FZD3: variants seen among roughly 807,000 people sequenced by gnomAD.
FZD3 encodes the protein frizzled-3.
A neutral mutation model predicts 60.7 loss-of-function variants in FZD3; 30 were observed. That is an observed-to-expected ratio of 0.49 (90% confidence interval 0.37 to 0.67). FZD3 has a LOEUF of 0.67. FZD3 is among the 30% of genes least tolerant of loss of function. The pLI is 0.00. For synonymous variants in FZD3, 246 were observed against 275.2 expected (o/e 0.89, Z 1.05); for missense variants, 605 against 838.7 (o/e 0.72, Z 3.44).
At chr8:28,521,082 T>C (rs1438598373) in intron 4 of FZD3, among the ~76,000 whole-genome samples, 3 of 152,096 alleles carry the variant, frequency 2.0e-5, no homozygotes, top group African/African-American at 7.2e-5. Context: ...AGACAGTTGA[T>C]TTTTCCCCCT....
chr8:28,507,682 C>T (rs1804175958), intron 3 of FZD3, among the ~76,000 whole-genome samples: 1 of 151,970 alleles, frequency 6.6e-6, no homozygotes, highest in African/African-American at 2.4e-5. Flanking sequence ...GCATGTTCCC[C>T]CGTTATTAGT....
chr8:28,534,089 A>G (rs911020162), intron 5 of FZD3, among the ~76,000 whole-genome samples: 4 of 152,242 alleles, frequency 2.6e-5, no homozygotes, highest in African/African-American at 9.6e-5. Flanking sequence ...AAAGCATTTA[A>G]AGCAGAAAGA....
chr8:28,507,355 A>G (rs978739006), intron 3 of FZD3, among the ~76,000 whole-genome samples: 2 of 151,782 alleles, frequency 1.3e-5, no homozygotes, highest in African/African-American at 4.8e-5. Flanking sequence ...TGTCTCATTT[A>G]TTTTTGTAAA....
intron 5 of FZD3, among the ~76,000 whole-genome samples, chr8:28,542,540 A>T (rs1463285345): frequency 6.6e-6 from 1 of 152,174 alleles, no homozygotes; most frequent in Non-Finnish European, 1.5e-5. Flanking sequence ...CGGGAGGCTG[A>T]TGTAGGAGAA....
At chr8:28,549,497 AATTAT>A (rs1227080448) in intron 5 of FZD3, among the ~76,000 whole-genome samples, 3 of 152,100 alleles carry the variant, frequency 2.0e-5, no homozygotes, top group Non-Finnish European at 2.9e-5. Context: ...CCAGGTATAA[AATTAT>A]ATTATTTATA....
intron 5 of FZD3, among the ~76,000 whole-genome samples, chr8:28,550,325 T>C (rs1289621777): frequency 6.6e-6 from 1 of 151,872 alleles, no homozygotes; most frequent in East Asian, 1.9e-4. Context: ...AATTTTTCTC[T>C]ATTTGCATTC....
At chr8:28,557,076 G>A (rs1805522349) in intron 7 of FZD3, among the ~76,000 whole-genome samples, 1 of 152,110 alleles carries the variant, frequency 6.6e-6, no homozygotes, top group Non-Finnish European at 1.5e-5. Flanking sequence ...GGGTGTTGTG[G>A]CAGGCACCTG....
chr8:28,547,752 A>G (rs745507057), intron 5 of FZD3, among the ~76,000 whole-genome samples: 6 of 152,096 alleles, frequency 3.9e-5, no homozygotes, highest in Admixed American at 3.9e-4. Flanking sequence ...TATCTGCCAT[A>G]TAATTTGCAA....
rs1055607162 is a variant in FZD3 at position 28,555,670 on chromosome 8, G to C, written c.1554-68G>C. On this transcript the variant is annotated intron_variant, in intron 6 of 7. Coordinates refer to ENST00000240093, the MANE Select transcript of FZD3 (RefSeq NM_017412.4). The stretch of plus-strand genomic sequence containing the variant: ...TTTCAAGAATAATATCAGTGTTTCA[G>C]AGAAGTATTGCTTATTGGTCTGAAG... 1.7e-5 allele frequency: 15 copies of C among 859,176 alleles called. No homozygotes were observed. In the African/African-American group the frequency reaches 2.0e-4, roughly 11 times the overall value. The allele number at this position is 859,176 out of a possible 1,614,324, so 53.2% of individuals were successfully genotyped here.
intron 3 of FZD3, among the ~76,000 whole-genome samples, chr8:28,506,676 T>G (rs1481882523): frequency 6.6e-6 from 1 of 152,206 alleles, no homozygotes; most frequent in African/African-American, 2.4e-5. Flanking sequence ...TTAAAGATTT[T>G]TTTATGATTT....
At chr8:28,495,893 A>G (rs1404362891) in intron 1 of FZD3, among the ~76,000 whole-genome samples, 1 of 152,026 alleles carries the variant, frequency 6.6e-6, no homozygotes, top group Non-Finnish European at 1.5e-5. Context: ...TAAGTAAATT[A>G]CTGGTAAAGC....
At chr8:28,535,584 A>G (rs993980886) in intron 5 of FZD3, among the ~76,000 whole-genome samples, 1 of 152,192 alleles carries the variant, frequency 6.6e-6, no homozygotes, top group Non-Finnish European at 1.5e-5. Flanking sequence ...TTAAAATACT[A>G]TACCAACCAT....
chr8:28,547,807 A>G (rs1431973534), intron 5 of FZD3, among the ~76,000 whole-genome samples: 4 of 151,190 alleles, frequency 2.6e-5, no homozygotes, highest in Admixed American at 2.6e-4. Context: ...TGTTGTTATG[A>G]AAGTTATGGC....
chr8:28,541,376 A>G (rs572722280), intron 5 of FZD3, among the ~76,000 whole-genome samples: 31 of 152,248 alleles, frequency 2.0e-4, no homozygotes, highest in Non-Finnish European at 4.1e-4. Flanking sequence ...TCTGTGTTAC[A>G]TCCCTGCTGT....
In FZD3 at chr8:28,570,090, C is replaced by A. The variant is rs932739065; in HGVS notation, c.*7079C>A. The A allele has an allele frequency of 3.3e-5, 5 of 152,166 alleles. No homozygotes were observed. The highest frequency in any genetic ancestry group is 1.2e-4 in the African/African-American group (5 of 41,422). 9.4% of individuals were successfully genotyped at this position (152,166 alleles called of 1,614,324 possible). On this transcript the variant is annotated 3_prime_UTR_variant, in exon 8 of 8. Coordinates refer to ENST00000240093, the MANE Select transcript of FZD3 (RefSeq NM_017412.4). ...CAGATTGCCATGGGCAAGTGAATGT[C>A]TTCATTTGAAATATTATTAGAGATC...
At chr8:28,535,832 A>T (rs893245909) in intron 5 of FZD3, among the ~76,000 whole-genome samples, 3 of 152,178 alleles carry the variant, frequency 2.0e-5, no homozygotes, top group Admixed American at 6.5e-5. Context: ...CTCTATTTTT[A>T]GTGCCTTCTA....
At position 28,527,053 on chromosome 8, in the gene FZD3, A is replaced by T; in HGVS notation, c.387-94A>T. 1.0e-6 allele frequency: 1 copy of T among 977,836 alleles called. No individual in the cohort carries two copies. The highest frequency in any genetic ancestry group is 1.5e-6 in the Non-Finnish European group (1 of 648,178). The allele number at this position is 977,836 out of a possible 1,614,324, so 60.6% of individuals were successfully genotyped here. A position where few individuals can be genotyped will look rare whatever the true frequency, so the allele number is the denominator to read the frequency against. ...TACATTTGCTCTCCAGGAATAAATA[A>T]GGTTGTGAGTGCCAGATTTGGAAAT... On this transcript the variant is annotated intron_variant, in intron 4 of 7. Coordinates refer to ENST00000240093, the MANE Select transcript of FZD3 (RefSeq NM_017412.4). This position sits in a 1 kb window ranked among gnomAD's most constrained non-coding sequence, Gnocchi z 5.0.
At chr8:28,556,833 G>A (rs1805517373) in intron 7 of FZD3, among the ~76,000 whole-genome samples, 1 of 152,204 alleles carries the variant, frequency 6.6e-6, no homozygotes, top group Non-Finnish European at 1.5e-5. Flanking sequence ...AGGAGGGAGT[G>A]ATTAATTCTG....
chr8:28,545,683 C>G (rs975302767), intron 5 of FZD3, among the ~76,000 whole-genome samples: 3 of 152,154 alleles, frequency 2.0e-5, no homozygotes, highest in Non-Finnish European at 4.4e-5. Flanking sequence ...CCAGCTGAGC[C>G]CAGTCAATTC....
Sources: allele counts gnomAD v4.1 joint callset (sites outside exome capture counted in the v4.1 genomes callset), GRCh38; gene constraint gnomAD v4.1.1; non-coding constraint Gnocchi (gnomAD v3.1); transcripts MANE v1.5; gene names NCBI Gene and HGNC (gene_info 2026-07-23, HGNC 2026-07-21).